DPT: variants seen among roughly 807,000 people sequenced by gnomAD.
The protein encoded by DPT is dermatopontin, also known as tyrosine-rich acidic matrix protein.
DPT carries 21 observed loss-of-function variants against 31.2 expected under a neutral mutation model. The observed-to-expected ratio is 0.67, with a 90% CI of 0.48 to 0.97. The LOEUF (loss-of-function observed/expected upper bound fraction) is 0.97. DPT is among the 50% of genes least tolerant of loss of function. The probability of loss-of-function intolerance (pLI) is 0.00; values close to 1 mark genes in which losing one functional copy is unlikely to be tolerated. For missense variants in DPT, 262 were observed against 258.8 expected, an observed-to-expected ratio of 1.01 and a Z score of -0.08; for synonymous variants, 91 against 86.9, an observed-to-expected ratio of 1.05 and a Z score of -0.26.
chr1:168,716,031 A>C (rs1365066913), intron 1 of DPT, among the ~76,000 whole-genome samples: 2 of 152,246 alleles, frequency 1.3e-5, no homozygotes, highest in Non-Finnish European at 2.9e-5. Context: ...CCTTGTTGAC[A>C]CACAAATTGT....
chr1:168,705,668 T>A (rs968251308), intron 2 of DPT, among the ~76,000 whole-genome samples: 1 of 152,234 alleles, frequency 6.6e-6, no homozygotes, highest in African/African-American at 2.4e-5. Context: ...CTGTTTTTCT[T>A]CTATTTCTCT....
At chr1:168,721,868 C>T (rs920889421) in intron 1 of DPT, among the ~76,000 whole-genome samples, 1 of 152,206 alleles carries the variant, frequency 6.6e-6, no homozygotes, top group African/African-American at 2.4e-5. Context: ...TTCCTGCCTG[C>T]ATCTGGGTAA....
chr1:168,714,109 C>A, intron 2 of DPT, 112 bp downstream of exon 2: 2 of 1,419,832 alleles, frequency 1.4e-6, no homozygotes, highest in South Asian at 1.3e-5. Context: ...TATATGCCAG[C>A]GCTGCCTTCC....
intron 1 of DPT, among the ~76,000 whole-genome samples, chr1:168,724,673 G>A (rs909899530): frequency 1.3e-5 from 2 of 152,156 alleles, no homozygotes; most frequent in African/African-American, 4.8e-5. Context: ...AGTGGGCCCT[G>A]TGAGTACTCA....
chr1:168,710,828 C>T (rs1318752101), intron 2 of DPT, among the ~76,000 whole-genome samples: 1 of 152,012 alleles, frequency 6.6e-6, no homozygotes, highest in Non-Finnish European at 1.5e-5. Flanking sequence ...TTTTTCAGGT[C>T]TCAGCATTCA....
intron 3 of DPT, among the ~76,000 whole-genome samples, chr1:168,698,000 A>T (rs1320011384): frequency 6.6e-6 from 1 of 152,206 alleles, no homozygotes; most frequent in Non-Finnish European, 1.5e-5. Flanking sequence ...TATGCAAATC[A>T]TTCCAAAGCT....
intron 2 of DPT, among the ~76,000 whole-genome samples, chr1:168,713,321 GC>G (rs770606204): frequency 3.3e-5 from 5 of 152,206 alleles, no homozygotes; most frequent in Non-Finnish European, 7.3e-5. Context: ...AAAACGTTAA[GC>G]TTTTGGGGCT....
At position 168,719,668 on chromosome 1, in the gene DPT, C is replaced by T. The variant is rs187355041; in HGVS notation, c.306-5322G>A. Among the ~76,000 whole-genome samples, 469 of 152,082 alleles carry T rather than the reference C, an allele frequency of 3.1e-3. 3 individuals are homozygous for T. The highest frequency in any genetic ancestry group is 0.011 in the African/African-American group (436 of 41,470). ...GAGGAGTTCCTAACAGTCACCAATA[C>T]GATGGCTAATATCCTGGTGAATTGT... On this transcript the variant is annotated intron_variant, in intron 1 of 3. Coordinates refer to ENST00000367817, the MANE Select transcript of DPT (RefSeq NM_001937.5).
At chr1:168,709,056 T>C (rs1212286748) in intron 2 of DPT, among the ~76,000 whole-genome samples, 2 of 152,208 alleles carry the variant, frequency 1.3e-5, no homozygotes. Flanking sequence ...AGAGACAGAA[T>C]ATCAGGGTTG....
intron 2 of DPT, among the ~76,000 whole-genome samples, chr1:168,710,020 G>A (rs1171290531): frequency 6.6e-6 from 1 of 152,164 alleles, no homozygotes; most frequent in African/African-American, 2.4e-5. Context: ...TTTATTAAGA[G>A]TCTATTTTGT....
At chr1:168,712,267 C>T (rs573518597) in intron 2 of DPT, among the ~76,000 whole-genome samples, 2 of 152,214 alleles carry the variant, frequency 1.3e-5, no homozygotes, top group South Asian at 2.1e-4. Context: ...TCCAGGCCTC[C>T]AGCTGCCCCT....
At chr1:168,728,122 GA>G in intron 1 of DPT, among the ~76,000 whole-genome samples, 1 of 152,244 alleles carries the variant, frequency 6.6e-6, no homozygotes, top group African/African-American at 2.4e-5. Context: ...GTACAAGCTC[GA>G]AAAAATTCCA....
intron 2 of DPT, among the ~76,000 whole-genome samples, chr1:168,710,311 G>GC (rs11403720): frequency 0.61 from 92,451 of 151,980 alleles, 28,306 homozygotes; most frequent in African/African-American, 0.68. Flanking sequence ...AATAGAACCA[G>GC]CAGGTGGAAC....
intron 2 of DPT, among the ~76,000 whole-genome samples, chr1:168,712,991 T>C (rs1649900661): frequency 6.6e-6 from 1 of 151,720 alleles, no homozygotes. Context: ...TGCAGAGTTA[T>C]GAGAGGGAGG....
chr1:168,697,957 A>C (rs1328051191), intron 3 of DPT, among the ~76,000 whole-genome samples: 1 of 152,224 alleles, frequency 6.6e-6, no homozygotes. Context: ...GTCCTGATAA[A>C]GGGCAAAAAC....
chr1:168,727,806 T>G (rs1557853005), intron 1 of DPT, among the ~76,000 whole-genome samples: 1 of 152,086 alleles, frequency 6.6e-6, no homozygotes, highest in Non-Finnish European at 1.5e-5. Flanking sequence ...CCAAAGTGTT[T>G]GGGATTACAG....
intron 1 of DPT, among the ~76,000 whole-genome samples, chr1:168,724,737 C>T (rs1307302830): frequency 1.3e-5 from 2 of 152,114 alleles, no homozygotes; most frequent in Non-Finnish European, 2.9e-5. Flanking sequence ...GAGGCTTGGT[C>T]TTGCTTAGAT....
intron 1 of DPT, among the ~76,000 whole-genome samples, chr1:168,722,036 G>GT (rs1313717661): frequency 9.9e-5 from 15 of 151,902 alleles, no homozygotes; most frequent in Admixed American, 5.2e-4. Flanking sequence ...AAATTCCTCA[G>GT]GTTTTTTTGG....
intron 1 of DPT, among the ~76,000 whole-genome samples, chr1:168,716,989 A>G (rs1650000071): frequency 6.6e-6 from 1 of 152,140 alleles, no homozygotes; most frequent in Admixed American, 6.5e-5. Flanking sequence ...TGTCTTTGTT[A>G]TTGCAAATAG....
Sources: gnomAD v4.1 joint callset for allele counts (sites outside exome capture counted in the v4.1 genomes callset) on GRCh38, gnomAD v4.1.1 for gene constraint, MANE v1.5 for transcripts, NCBI Gene and HGNC (gene_info 2026-07-23, HGNC 2026-07-21) for gene names.